Variants in C1QBP observed in about 807,000 individuals in gnomAD.
C1QBP encodes complement component 1 Q subcomponent-binding protein, mitochondrial.
A neutral mutation model predicts 29.4 loss-of-function variants in C1QBP; 24 were observed. The ratio of observed to expected loss-of-function variants is 0.82; its 90% CI spans 0.59 to 1.15. C1QBP has a LOEUF of 1.15. Among genes scored for constraint, C1QBP ranks in the 50% most tolerant of loss-of-function variants. The pLI is 0.00. For missense variants in C1QBP, 337 were observed against 355.8 expected, an observed-to-expected ratio of 0.95 and a Z score of 0.43; for synonymous variants, 182 against 149.2, an observed-to-expected ratio of 1.22 and a Z score of -1.60.
rs1288580208 is a variant in C1QBP at position 5,439,080 on chromosome 17, A to T, written c.-7T>A. On this transcript the variant is annotated 5_prime_UTR_variant, in exon 1 of 6. Coordinates refer to ENST00000225698, the MANE Select transcript of C1QBP (RefSeq NM_001212.4). Reference sequence around the variant, plus strand: ...AGCGCAGCAGAGGCAGCATCGCGGAAACGACTGCGAACACGTGCAGATGCA... The same window carrying T: ...AGCGCAGCAGAGGCAGCATCGCGGATACGACTGCGAACACGTGCAGATGCA... The T allele has an allele frequency of 6.5e-7, 1 of 1,539,634 alleles. No homozygotes were observed. Among genetic ancestry groups the T allele is most frequent in the African/African-American group, 1.4e-5 (1 of 71,460 alleles).
At chr17:5,437,975 G>A (rs1279541743) in intron 2 of C1QBP, 148 bp downstream of exon 2, 3 of 1,138,738 alleles carry the variant, frequency 2.6e-6, no homozygotes, top group Non-Finnish European at 2.4e-6. Flanking sequence ...TGGGGCTTAC[G>A]AAGTTGTCCA....
At chr17:5,436,865 A>G (rs575116717) in intron 2 of C1QBP, among the ~76,000 whole-genome samples, 1 of 152,270 alleles carries the variant, frequency 6.6e-6, no homozygotes, top group South Asian at 2.1e-4. Context: ...TAAAAATACA[A>G]AAATTAACCG....
rs1357305385 is a variant in C1QBP at position 5,438,236 on chromosome 17, A to T, written c.270T>A (p.Ile90=). The change falls in exon 2 of 6, where the codon ATT becomes ATA. Residue 90 remains isoleucine, a synonymous_variant. Transcript: ENST00000225698. ...GCTTCTGAATTTTTCTTTCCTCCTTAATTTCATCACTCAGGAAATCAACAA... is the reference window on the plus strand; with the variant it reads ...GCTTCTGAATTTTTCTTTCCTCCTTTATTTCATCACTCAGGAAATCAACAA... ...KAFVDFLSDE[I]KEERKIQKHK... is the part of the protein sequence containing the mutation. 3 of 1,613,998 alleles carry T rather than the reference A, an allele frequency of 1.9e-6. No individual in the cohort carries two copies. Among genetic ancestry groups the T allele is most frequent in the Non-Finnish European group, 1.7e-6 (2 of 1,180,020 alleles).
At chr17:5,438,775 C>A in intron 1 of C1QBP, 67 bp downstream of exon 1, 1 of 1,544,352 alleles carries the variant, frequency 6.5e-7, no homozygotes, top group Non-Finnish European at 8.7e-7. Flanking sequence ...CGGTTGCAGG[C>A]CCTATTCCTG....
rs1186258998 is a variant in C1QBP at position 5,433,154 on chromosome 17, T to C, written c.710A>G (p.Asp237Gly). 1 of 1,613,280 alleles carries C rather than the reference T, an allele frequency of 6.2e-7. No homozygotes were observed. Among genetic ancestry groups the C allele is most frequent in the Admixed American group, 1.7e-5 (1 of 59,802 alleles). ...GTCGGCAAGGAAATCCATTAGGTGG[T>C]CATATAAGGCCTGCAAAGAACAATA... ...NTDSLDWALYDHLMDFLADRG... is the reference protein window; with the variant it reads ...NTDSLDWALYGHLMDFLADRG... Residue 237 changes from aspartate to glycine, a missense_variant, in exon 6 of 6, where the codon GAC becomes GGC. Physicochemically the swap from Asp to Gly is moderately conservative, Grantham distance 94 (BLOSUM62 -1). Coordinates refer to ENST00000225698, the MANE Select transcript of C1QBP (RefSeq NM_001212.4).
chr17:5,435,045 G>A, intron 2 of C1QBP, 79 bp from the exon 3 acceptor site: 1 of 1,247,424 alleles, frequency 8.0e-7, no homozygotes, highest in East Asian at 2.3e-5. Context: ...CATAAACATG[G>A]AAATCTGCTA....
chr17:5,433,489 C>G (rs1916166701), intron 4 of C1QBP, 74 bp from the exon 5 acceptor site: 1 of 1,592,010 alleles, frequency 6.3e-7, no homozygotes, highest in Non-Finnish European at 8.6e-7. Context: ...AAGGGGGCCA[C>G]TGACAGCATG....
chr17:5,435,812 G>A (rs1290204877), intron 2 of C1QBP, among the ~76,000 whole-genome samples: 2 of 147,658 alleles, frequency 1.4e-5, no homozygotes, highest in Non-Finnish European at 3.0e-5. Context: ...GGCAGATCAC[G>A]AGGTCAAGAG....
At position 5,433,704 on chromosome 17, in the gene C1QBP, C is replaced by T; in HGVS notation, c.541G>A (p.Ala181Thr). ...GGATAATGACAGTCCAACACAAGGG[C>T]CTTCTTGCCATCATCATTCTTTATA... Reference protein sequence around the residue: ...EVIKNDDGKKALVLDCHYPED... With the variant: ...EVIKNDDGKKTLVLDCHYPED... The change falls in exon 4 of 6, where the codon GCC becomes ACC. Residue 181 changes from alanine (A) to threonine (T), a missense_variant. By Grantham distance (58) the Ala-to-Thr change is moderately conservative. Coordinates refer to ENST00000225698, the MANE Select transcript of C1QBP (RefSeq NM_001212.4). The T allele has an allele frequency of 6.2e-7, 1 of 1,614,224 alleles. No homozygotes were observed. Among genetic ancestry groups the T allele is most frequent in the Non-Finnish European group, 8.5e-7 (1 of 1,180,046 alleles).
rs903589170 is a variant in C1QBP, at chr17:5,439,010, C to T, written c.64G>A (p.Ala22Thr). 2.7e-6 allele frequency: 4 copies of T among 1,490,342 alleles called. No individual in the cohort carries two copies. The African/African-American group carries it at 4.4e-5, about 16-fold the overall frequency. 92.3% of individuals were successfully genotyped at this position (1,490,342 alleles called of 1,614,324 possible). ...TGCCGGAAAGGCGAGGCGGGCGCGG[C>T]AGCGCGGAGGCCGGCGACGGAGGAG... ...LGSSVAGLRA[A>T]APASPFRQLL... Residue 22 changes from alanine to threonine, a missense_variant, in exon 1 of 6, where the codon GCC becomes ACC. Physicochemically the swap from Ala to Thr is moderately conservative, Grantham distance 58. Coordinates refer to ENST00000225698, the MANE Select transcript of C1QBP (RefSeq NM_001212.4).
At chr17:5,434,773 A>T (rs762659309) in intron 3 of C1QBP, 100 bp downstream of exon 3, 25 of 933,836 alleles carry the variant, frequency 2.7e-5, no homozygotes, top group Non-Finnish European at 3.6e-5. Context: ...ACTTAGAGGA[A>T]TTTTTTTTTT....
intron 2 of C1QBP, among the ~76,000 whole-genome samples, chr17:5,437,484 G>A (rs41307944): frequency 4.6e-5 from 7 of 152,096 alleles, no homozygotes; most frequent in African/African-American, 1.4e-4. Flanking sequence ...CTACAGGCAC[G>A]TGCCACCATA....
rs868539515 is a variant in C1QBP, at chr17:5,433,386, GT to G, written c.605del (p.Asp202AlafsTer38). On this transcript the variant is annotated frameshift_variant, in exon 5 of 6. Transcript: ENST00000225698. LOFTEE classifies it high-confidence loss of function. ...EVGQEDEAES[D>X]IFSIREVSFQ... ...AGCTAACTTCCCTGATAGAGAAGATGTCACTCTCAGCCTCGTCTTCTTGTCC... is the reference window on the plus strand; with the variant it reads ...AGCTAACTTCCCTGATAGAGAAGATGCACTCTCAGCCTCGTCTTCTTGTCC... The G allele has an allele frequency of 6.2e-7, 1 of 1,613,970 alleles. No homozygotes were observed. The highest frequency in any genetic ancestry group is 1.3e-5 in the African/African-American group (1 of 74,902).
intron 4 of C1QBP, 42 bp downstream of exon 4, chr17:5,433,627 T>A (rs1916172732): frequency 1.3e-6 from 2 of 1,588,962 alleles, no homozygotes; most frequent in African/African-American, 1.3e-5. Context: ...GGACACACTG[T>A]TCCCCAGGGG....
chr17:5,433,817 G>T (rs2285747), intron 3 of C1QBP, 50 bp from the exon 4 acceptor site: 1 of 1,495,378 alleles, frequency 6.7e-7, no homozygotes, highest in South Asian at 1.1e-5. Context: ...GAGATGGATG[G>T]CTGGATCAAG....
At chr17:5,436,522 G>A (rs1042197620) in intron 2 of C1QBP, among the ~76,000 whole-genome samples, 1 of 151,336 alleles carries the variant, frequency 6.6e-6, no homozygotes, top group African/African-American at 2.5e-5. Context: ...TGAATTAGAA[G>A]CAAAGTAAAA....
Position 5,433,680 on chromosome 17 carries a change from G to A in C1QBP, c.565C>T (p.Pro189Ser), listed in dbSNP as rs1916174619. The change falls in exon 4 of 6, where the codon CCA (proline) becomes TCA (serine). Residue 189 changes from proline to serine, a missense_variant. Pro to Ser is a moderately conservative substitution (Grantham distance 74). Coordinates refer to ENST00000225698, the MANE Select transcript of C1QBP (RefSeq NM_001212.4). Reference protein sequence around the residue: ...KKALVLDCHYPEDEVGQEDEA... With the variant: ...KKALVLDCHYSEDEVGQEDEA... The stretch of plus-strand genomic sequence containing the variant: ...TCCATCCTGCATACCTCATCCTCTG[G>A]ATAATGACAGTCCAACACAAGGGCC... 6.2e-7 allele frequency: 1 copy of A among 1,614,128 alleles called. No homozygotes were observed. The highest frequency in any genetic ancestry group is 8.5e-7 in the Non-Finnish European group (1 of 1,179,988).
chr17:5,433,189 T>TA lies in C1QBP; in HGVS notation c.700-26dup, dbSNP rs200276588. 4.0e-4 allele frequency: 633 copies of TA among 1,600,718 alleles called. 2 individuals are homozygous for TA. In the African/African-American group the frequency reaches 4.5e-3, roughly 11 times the overall value. ...CCTGCAAAGAACAATATTTACTAGT[T>TA]AAAAAAAAATCTGTAATGAACATTA... On this transcript the variant is annotated intron_variant, in intron 5 of 5. Coordinates refer to ENST00000225698, the MANE Select transcript of C1QBP (RefSeq NM_001212.4).
At chr17:5,438,381 G>C in intron 1 of C1QBP, 108 bp from the exon 2 acceptor site, 1 of 1,316,262 alleles carries the variant, frequency 7.6e-7, no homozygotes, top group Non-Finnish European at 1.0e-6. Flanking sequence ...TAATCTCTCT[G>C]CTATTACGGT....
Sources: allele counts gnomAD v4.1 joint callset (sites outside exome capture counted in the v4.1 genomes callset), GRCh38; gene constraint gnomAD v4.1.1; transcripts MANE v1.5; gene names NCBI Gene and HGNC (gene_info 2026-07-23, HGNC 2026-07-21).